GBE1: variants seen among roughly 807,000 people sequenced by gnomAD.
GBE1 encodes the protein 1,4-alpha-glucan-branching enzyme.
A neutral mutation model predicts 88.8 loss-of-function variants in GBE1; 70 were observed. The observed-to-expected ratio is 0.79, with a 90% confidence interval of 0.65 to 0.96. GBE1 has a LOEUF of 0.96. GBE1 is among the 40% of genes least tolerant of loss of function. The probability of loss-of-function intolerance (pLI) is 0.00; values close to 1 mark genes in which losing one functional copy is unlikely to be tolerated. For synonymous variants in GBE1, 284 were observed against 300.1 expected, an observed-to-expected ratio of 0.95 and a Z score of 0.56; for missense variants, 872 against 871.0, an observed-to-expected ratio of 1.00 and a Z score of -0.01.
intron 12 of GBE1, among the ~76,000 whole-genome samples, chr3:81,563,905 G>A (rs764014524): frequency 6.7e-6 from 1 of 150,236 alleles, no homozygotes; most frequent in African/African-American, 2.5e-5. Flanking sequence ...GACGGAGAAA[G>A]GGAGGGAGGG....
chr3:81,671,348 A>G (rs1039413402), intron 2 of GBE1, among the ~76,000 whole-genome samples: 1 of 152,180 alleles, frequency 6.6e-6, no homozygotes, highest in African/African-American at 2.4e-5. Context: ...ACAAACCATT[A>G]AAATCATATA....
At chr3:81,639,876 C>T (rs1704645954) in intron 7 of GBE1, among the ~76,000 whole-genome samples, 1 of 151,998 alleles carries the variant, frequency 6.6e-6, no homozygotes, top group African/African-American at 2.4e-5. Flanking sequence ...TGCTCTGTCC[C>T]CTATATGAGC....
intron 14 of GBE1, among the ~76,000 whole-genome samples, chr3:81,501,241 G>A (rs1330643500): frequency 2.0e-5 from 3 of 152,172 alleles, no homozygotes; most frequent in Non-Finnish European, 2.9e-5. Context: ...GGAAAACAAC[G>A]AGGAAATATA....
intron 1 of GBE1, chr3:81,743,581 C>A (rs1159556488): frequency 6.5e-7 from 1 of 1,535,186 alleles, no homozygotes; most frequent in East Asian, 2.4e-5. Context: ...ATTCATGGGA[C>A]AACGAAGTTA....
chr3:81,589,106 C>T (rs1703841017), intron 9 of GBE1, among the ~76,000 whole-genome samples: 1 of 151,986 alleles, frequency 6.6e-6, no homozygotes, highest in African/African-American at 2.4e-5. Flanking sequence ...GATGCCTATT[C>T]ATATGGCATA....
At chr3:81,623,245 A>G (rs189614878) in intron 7 of GBE1, among the ~76,000 whole-genome samples, 162 of 152,224 alleles carry the variant, frequency 1.1e-3, no homozygotes, top group African/African-American at 3.6e-3. Flanking sequence ...GCCTTCCTTT[A>G]AACACACCAA....
chr3:81,541,294 A>T (rs970742300), intron 12 of GBE1, among the ~76,000 whole-genome samples: 1 of 151,906 alleles, frequency 6.6e-6, no homozygotes, highest in Non-Finnish European at 1.5e-5. Context: ...ACACACACAC[A>T]CAAACACACA....
chr3:81,516,696 AT>A (rs1252170222), intron 14 of GBE1, among the ~76,000 whole-genome samples: 1 of 151,546 alleles, frequency 6.6e-6, no homozygotes, highest in Non-Finnish European at 1.5e-5. Flanking sequence ...CATTAAGAAC[AT>A]TTGTGATTCA....
At chr3:81,752,772 A>G (rs1341331471) in intron 1 of GBE1, among the ~76,000 whole-genome samples, 2 of 152,202 alleles carry the variant, frequency 1.3e-5, no homozygotes, top group Non-Finnish European at 2.9e-5. Context: ...GGAACCCCCT[A>G]AAGTAAGGCA....
chr3:81,743,660 A>T, intron 1 of GBE1: 1 of 1,360,364 alleles, frequency 7.4e-7, no homozygotes, highest in Non-Finnish European at 1.0e-6. Flanking sequence ...GGGCTATTAA[A>T]GCAGACAGCA....
At position 81,746,270 on chromosome 3, in the gene GBE1, G is replaced by GT. The variant is rs537653119; in HGVS notation, c.143+15104dup. Among the ~76,000 whole-genome samples, 863 of 151,578 alleles carry GT rather than the reference G, an allele frequency of 5.7e-3. 15 individuals are homozygous for GT. Among genetic ancestry groups the GT allele is most frequent in the African/African-American group, 0.018 (742 of 41,332 alleles). On this transcript the variant is annotated intron_variant, in intron 1 of 15. Coordinates refer to ENST00000429644, the MANE Select transcript of GBE1 (RefSeq NM_000158.4). ...GAGACTAAAATATAAAACGTTTTAA[G>GT]TTTTTTTTTCTGAGACAGGGTCTTG...
At chr3:81,711,014 G>C (rs1286490337) in intron 1 of GBE1, among the ~76,000 whole-genome samples, 1 of 152,156 alleles carries the variant, frequency 6.6e-6, no homozygotes, top group African/African-American at 2.4e-5. Flanking sequence ...ACTACTAGGC[G>C]ATAGGTATGA....
At chr3:81,613,332 C>T (rs1164787775) in intron 7 of GBE1, among the ~76,000 whole-genome samples, 1 of 151,964 alleles carries the variant, frequency 6.6e-6, no homozygotes, top group African/African-American at 2.4e-5. Flanking sequence ...ATGGAATCAA[C>T]ACCCCCAAGC....
At chr3:81,535,140 A>G in intron 14 of GBE1, 55 bp downstream of exon 14, 1 of 1,432,442 alleles carries the variant, frequency 7.0e-7, no homozygotes, top group Non-Finnish European at 9.3e-7. Context: ...TTGTCCTATA[A>G]TGTAATAAAG....
chr3:81,652,395 G>C (rs1480087121), intron 3 of GBE1, among the ~76,000 whole-genome samples: 2 of 152,196 alleles, frequency 1.3e-5, no homozygotes, highest in African/African-American at 4.8e-5. Context: ...ACTTGACAAA[G>C]GAGTATTTGC....
At chr3:81,492,832 G>A (rs1006263025) in intron 15 of GBE1, among the ~76,000 whole-genome samples, 1 of 151,682 alleles carries the variant, frequency 6.6e-6, no homozygotes, top group African/African-American at 2.4e-5. Context: ...CCGCCTCCCA[G>A]GTTCAAGCCA....
intron 2 of GBE1, among the ~76,000 whole-genome samples, chr3:81,698,873 C>T (rs1705643399): frequency 6.6e-6 from 1 of 152,170 alleles, no homozygotes; most frequent in South Asian, 2.1e-4. Flanking sequence ...ACATATACTC[C>T]ATTGAAAGTG....
At chr3:81,632,418 A>G (rs1342711180) in intron 7 of GBE1, among the ~76,000 whole-genome samples, 1 of 152,216 alleles carries the variant, frequency 6.6e-6, no homozygotes, top group African/African-American at 2.4e-5. Flanking sequence ...GACACTTTTC[A>G]AAAGAAGACA....
chr3:81,588,380 A>G (rs1046084313), intron 9 of GBE1, among the ~76,000 whole-genome samples: 3 of 152,156 alleles, frequency 2.0e-5, no homozygotes, highest in Admixed American at 6.6e-5. Flanking sequence ...TTCTGAAAAG[A>G]GTTTTGAAAG....
Sources: gnomAD v4.1 joint callset for allele counts (sites outside exome capture counted in the v4.1 genomes callset) on GRCh38, gnomAD v4.1.1 for gene constraint, MANE v1.5 for transcripts, NCBI Gene and HGNC (gene_info 2026-07-23, HGNC 2026-07-21) for gene names.